SLC35D1: variants seen among roughly 807,000 people sequenced by gnomAD.
SLC35D1 encodes the protein solute carrier family 35 member D1.
A neutral mutation model predicts 46.7 loss-of-function variants in SLC35D1; 31 were observed. The ratio of observed to expected loss-of-function variants is 0.66; its 90% CI spans 0.50 to 0.90. SLC35D1 has a LOEUF of 0.90. SLC35D1 is among the 40% of genes least tolerant of loss of function. The pLI, the probability that SLC35D1 is intolerant of heterozygous loss-of-function variation, is 0.00. For synonymous variants in SLC35D1, 195 were observed against 164.6 expected, an observed-to-expected ratio of 1.18 and a Z score of -1.41; for missense variants, 397 against 426.2, an observed-to-expected ratio of 0.93 and a Z score of 0.60.
chr1:67,032,011 G>A, intron 8 of SLC35D1: 12 of 969,366 alleles, frequency 1.2e-5, no homozygotes, highest in Non-Finnish European at 1.5e-5. Flanking sequence ...CCATTGTGAA[G>A]AGAATGACCT....
At chr1:66,991,408 A>T in the SLC35D1 span, among the ~76,000 whole-genome samples, 2 of 152,204 alleles carry the variant, frequency 1.3e-5, no homozygotes, top group South Asian at 2.1e-4. Context: ...TTCCACAGAG[A>T]GTCACAGTCC....
the SLC35D1 span, among the ~76,000 whole-genome samples, chr1:66,992,330 AT>A: frequency 6.0e-4 from 91 of 152,308 alleles, no homozygotes; most frequent in African/African-American, 2.1e-3. Flanking sequence ...GCAGAGACAA[AT>A]TAGCAGGTGC....
At chr1:67,044,727 C>T (rs919789123) in intron 7 of SLC35D1, among the ~76,000 whole-genome samples, 2 of 152,126 alleles carry the variant, frequency 1.3e-5, no homozygotes, top group African/African-American at 4.8e-5. Flanking sequence ...ATTCGATAGC[C>T]ACATTCAGGT....
intron 3 of SLC35D1, 59 bp from the exon 4 acceptor site, chr1:67,052,138 C>G (rs1198177085): frequency 8.4e-7 from 1 of 1,192,242 alleles, no homozygotes; most frequent in Non-Finnish European, 1.2e-6. Flanking sequence ...AAACAAGGTC[C>G]TTTCAAACAG....
chr1:67,024,188 C>T (rs578002585), intron 8 of SLC35D1, among the ~76,000 whole-genome samples: 3 of 152,136 alleles, frequency 2.0e-5, no homozygotes, highest in South Asian at 2.1e-4. Flanking sequence ...TCAAGTGATC[C>T]GCCCGCCTCA....
At chr1:67,025,112 G>T (rs1012170058) in intron 8 of SLC35D1, among the ~76,000 whole-genome samples, 1 of 152,080 alleles carries the variant, frequency 6.6e-6, no homozygotes, top group African/African-American at 2.4e-5. Context: ...ACTCCCGTAT[G>T]ACCTGATCCT....
chr1:67,028,697 C>G (rs1667962405), intron 8 of SLC35D1, among the ~76,000 whole-genome samples: 1 of 152,064 alleles, frequency 6.6e-6, no homozygotes, highest in Admixed American at 6.6e-5. Context: ...CTACTCCCAC[C>G]CTTCATAGAC....
rs1667306339 is a variant in SLC35D1 at position 67,000,235 on chromosome 1, G to T, written c.*4105C>A. The stretch of plus-strand genomic sequence containing the variant: ...GTTTGAGACTGTGGTGAGCTGCTAT[G>T]ATTACGCCATTACACTCCAGCCTGG... On this transcript the variant is annotated 3_prime_UTR_variant, in exon 12 of 12. Transcript: ENST00000235345. 1 of 150,380 alleles carries T rather than the reference G, an allele frequency of 6.6e-6. No individual in the cohort carries two copies. Among genetic ancestry groups the T allele is most frequent in the Non-Finnish European group, 1.5e-5 (1 of 67,798 alleles). 9.3% of individuals were successfully genotyped at this position (150,380 alleles called of 1,614,324 possible).
At chr1:67,031,935 A>G (rs1050496893) in intron 8 of SLC35D1, 8 of 497,306 alleles carry the variant, frequency 1.6e-5, no homozygotes, top group Admixed American at 6.4e-5. Context: ...TTTGTTAATC[A>G]GGAAAAAAAC....
the SLC35D1 span, chr1:66,981,850 C>T: frequency 6.2e-7 from 1 of 1,614,074 alleles, no homozygotes; most frequent in Non-Finnish European, 8.5e-7. Flanking sequence ...CCTCCCCCAA[C>T]TGCATCAAAC....
intron 8 of SLC35D1, among the ~76,000 whole-genome samples, chr1:67,041,021 G>GT (rs1462471347): frequency 6.6e-6 from 1 of 152,080 alleles, no homozygotes; most frequent in African/African-American, 2.4e-5. Context: ...CACTGGACAA[G>GT]TTTCTTAGTC....
chr1:67,025,357 A>G (rs1667895846), intron 8 of SLC35D1, among the ~76,000 whole-genome samples: 1 of 152,102 alleles, frequency 6.6e-6, no homozygotes, highest in Non-Finnish European at 1.5e-5. Flanking sequence ...TCATTGATCT[A>G]TTTTCACACC....
chr1:66,974,930 G>A, the SLC35D1 span, among the ~76,000 whole-genome samples: 1 of 152,064 alleles, frequency 6.6e-6, no homozygotes, highest in Non-Finnish European at 1.5e-5. Flanking sequence ...TTTGCTTTCA[G>A]TAAAGTACAG....
chr1:66,973,047 G>T, the SLC35D1 span: 1 of 889,520 alleles, frequency 1.1e-6, no homozygotes, highest in South Asian at 1.4e-5. Flanking sequence ...CAACTCAAAT[G>T]GTCATGTATC....
Position 67,038,852 on chromosome 1 carries a change from CAA to C in SLC35D1, c.729+3382_729+3383del, listed in dbSNP as rs1491158452. Among the ~76,000 whole-genome samples, 1,229 of 150,238 alleles carry C rather than the reference CAA, an allele frequency of 8.2e-3. 36 individuals carry two copies. The highest frequency in any genetic ancestry group is 0.052 in the Admixed American group (775 of 15,020). Reference sequence around the variant, plus strand: ...ATATGTATACACACACACACACACACAAACACACACACAACTAGTTTGGTTTC... The same window carrying C: ...ATATGTATACACACACACACACACACACACACACACAACTAGTTTGGTTTC... On this transcript the variant is annotated intron_variant, in intron 8 of 11. Transcript: ENST00000235345.
At chr1:67,004,579 A>G (rs1202704300) in intron 11 of SLC35D1, 131 bp from the exon 12 acceptor site, 2 of 721,344 alleles carry the variant, frequency 2.8e-6, no homozygotes, top group South Asian at 1.5e-5. Flanking sequence ...AATTCATACA[A>G]TGAAGTACTA....
At chr1:66,979,918 C>A in the SLC35D1 span, among the ~76,000 whole-genome samples, 2 of 152,104 alleles carry the variant, frequency 1.3e-5, no homozygotes, top group Non-Finnish European at 2.9e-5. Context: ...GCATGCGCCA[C>A]CACACCCGGC....
intron 8 of SLC35D1, 113 bp from the exon 9 acceptor site, chr1:67,021,715 A>C: frequency 4.0e-6 from 1 of 247,326 alleles, no homozygotes. Flanking sequence ...AGACACAGAC[A>C]CAGACACAGA....
At chr1:66,981,724 C>T in the SLC35D1 span, 1 of 1,431,516 alleles carries the variant, frequency 7.0e-7, no homozygotes, top group South Asian at 1.3e-5. Flanking sequence ...TTAACCTCAA[C>T]TAATTTTTAA....
Sources: allele counts gnomAD v4.1 joint callset (sites outside exome capture counted in the v4.1 genomes callset), GRCh38; gene constraint gnomAD v4.1.1; transcripts MANE v1.5; gene names NCBI Gene and HGNC (gene_info 2026-07-23, HGNC 2026-07-21).